C1orf21: variants seen among roughly 807,000 people sequenced by gnomAD.
C1orf21 encodes the protein uncharacterized protein C1orf21.
C1orf21 carries 3 observed loss-of-function variants against 18.7 expected under a neutral mutation model. That is an observed-to-expected ratio of 0.16 (90% CI 0.07 to 0.42). C1orf21 has a LOEUF of 0.42. Ranked by LOEUF, C1orf21 falls within the 10% of genes least tolerant of loss-of-function variation. The probability of loss-of-function intolerance (pLI) is 0.99; values close to 1 mark genes in which losing one functional copy is unlikely to be tolerated. For missense variants in C1orf21, 104 were observed against 143.6 expected (o/e 0.72, Z 1.41); for synonymous variants, 41 against 46.4 (o/e 0.88, Z 0.47).
intron 1 of C1orf21, among the ~76,000 whole-genome samples, chr1:184,443,498 A>G (rs1477889852): frequency 6.6e-6 from 1 of 152,204 alleles, no homozygotes; most frequent in Non-Finnish European, 1.5e-5. Context: ...TCAAGAACAT[A>G]TGCCCTGTTG....
chr1:184,575,829 G>A (rs968983941), intron 3 of C1orf21, among the ~76,000 whole-genome samples: 10 of 151,950 alleles, frequency 6.6e-5, no homozygotes, highest in South Asian at 2.1e-4. Flanking sequence ...CAGTGTAGGC[G>A]CCTGACTAAA....
At chr1:184,411,581 C>G (rs1227838783) in intron 1 of C1orf21, among the ~76,000 whole-genome samples, 1 of 151,784 alleles carries the variant, frequency 6.6e-6, no homozygotes, top group African/African-American at 2.4e-5. Flanking sequence ...GCCATCACGC[C>G]TGGCTATTTT....
Position 184,459,036 on chromosome 1 carries a change from T to G in C1orf21, c.-124-18350T>G, listed in dbSNP as rs138981130. 1.1e-3 allele frequency among the ~76,000 whole-genome samples: 164 copies of G among 152,340 alleles called. 1 individual carries two copies. Among genetic ancestry groups the G allele is most frequent in the African/African-American group, 3.7e-3 (154 of 41,584 alleles). The stretch of plus-strand genomic sequence containing the variant: ...TATCTACTTAAACGTTATTTAACCC[T>G]TCTATGTAGATTGCATTATGCTGTT... On this transcript the variant is annotated intron_variant, in intron 1 of 5. Transcript: ENST00000235307.
At chr1:184,584,432 C>G (rs1464335326) in intron 3 of C1orf21, among the ~76,000 whole-genome samples, 1 of 152,132 alleles carries the variant, frequency 6.6e-6, no homozygotes, top group Non-Finnish European at 1.5e-5. Flanking sequence ...GTTGGTGGTG[C>G]AGATGTGGAG....
chr1:184,553,705 A>G (rs998988175), intron 3 of C1orf21, among the ~76,000 whole-genome samples: 3 of 152,152 alleles, frequency 2.0e-5, no homozygotes, highest in Non-Finnish European at 4.4e-5. Context: ...TAGATTACCA[A>G]TGGACTCATC....
intron 3 of C1orf21, among the ~76,000 whole-genome samples, chr1:184,528,141 C>T (rs1296213034): frequency 6.6e-6 from 1 of 152,110 alleles, no homozygotes; most frequent in Non-Finnish European, 1.5e-5. Context: ...AAAATTTTTC[C>T]ACTTTACAGA....
intron 1 of C1orf21, among the ~76,000 whole-genome samples, chr1:184,390,304 G>A (rs186599759): frequency 6.6e-6 from 1 of 152,056 alleles, no homozygotes; most frequent in Non-Finnish European, 1.5e-5. Context: ...GAATCCAGAC[G>A]CATCAAAGAG....
In C1orf21 at chr1:184,431,077, GCTGT is replaced by G. The variant is rs570227855; in HGVS notation, c.-125+43712_-125+43715del. Among the ~76,000 whole-genome samples the G allele has an allele frequency of 5.8e-3, 882 of 152,026 alleles. 5 individuals are homozygous for G. Among genetic ancestry groups the G allele is most frequent in the Non-Finnish European group, 9.5e-3 (646 of 67,964 alleles). Reference sequence around the variant, plus strand: ...TGAGTCAGCGTTCACTCATGATTTGGCTGTCTATTATTGATATATAGGAATGCTT... The same window carrying G: ...TGAGTCAGCGTTCACTCATGATTTGGCTATTATTGATATATAGGAATGCTT... On this transcript the variant is annotated intron_variant, in intron 1 of 5. Transcript: ENST00000235307.
At chr1:184,597,738 C>G (rs1250192500) in intron 4 of C1orf21, among the ~76,000 whole-genome samples, 1 of 152,210 alleles carries the variant, frequency 6.6e-6, no homozygotes. Context: ...CTTATTTTGT[C>G]CCCACCAGCC....
chr1:184,438,247 ACT>A (rs565976516), intron 1 of C1orf21, among the ~76,000 whole-genome samples: 79 of 152,196 alleles, frequency 5.2e-4, no homozygotes, highest in African/African-American at 1.8e-3. Context: ...TCAACTCCAA[ACT>A]CTGTGTTGCC....
At chr1:184,450,144 G>A (rs1657100621) in intron 1 of C1orf21, among the ~76,000 whole-genome samples, 1 of 152,162 alleles carries the variant, frequency 6.6e-6, no homozygotes, top group Non-Finnish European at 1.5e-5. Flanking sequence ...GAGGGAAGGT[G>A]TGGGGTCACC....
At chr1:184,419,959 T>A (rs1204356541) in intron 1 of C1orf21, among the ~76,000 whole-genome samples, 1 of 152,190 alleles carries the variant, frequency 6.6e-6, no homozygotes, top group Admixed American at 6.5e-5. Context: ...GGAAATGACA[T>A]ATTCTGCCTT....
intron 3 of C1orf21, among the ~76,000 whole-genome samples, chr1:184,533,488 T>C (rs1388107174): frequency 6.6e-6 from 1 of 152,240 alleles, no homozygotes; most frequent in Non-Finnish European, 1.5e-5. Flanking sequence ...CATGGTCTTT[T>C]ATTTTTAATA....
rs569766476 is a variant in C1orf21 at position 184,485,807 on chromosome 1, G to T, written c.94+8204G>T. On this transcript the variant is annotated intron_variant, in intron 2 of 5. Coordinates refer to ENST00000235307, the MANE Select transcript of C1orf21 (RefSeq NM_030806.4). ...GTAGCTGTTTTGCTGGCATAAGGAA[G>T]CTTCTGTTGGCTTCTGAAGCTGTTA... 2.4e-4 allele frequency among the ~76,000 whole-genome samples: 36 copies of T among 152,314 alleles called. No individual in the cohort carries two copies. In the South Asian group the frequency reaches 4.8e-3, roughly 20 times the overall value.
chr1:184,403,961 A>G (rs928466012), intron 1 of C1orf21, among the ~76,000 whole-genome samples: 76 of 152,336 alleles, frequency 5.0e-4, no homozygotes, highest in Admixed American at 4.6e-3. Context: ...ATCATAGTCA[A>G]TTTTAACTTT....
At chr1:184,577,763 G>A (rs1157358383) in intron 3 of C1orf21, among the ~76,000 whole-genome samples, 3 of 152,054 alleles carry the variant, frequency 2.0e-5, no homozygotes, top group Non-Finnish European at 4.4e-5. Flanking sequence ...ACAAATGGTG[G>A]GTTTTTATTT....
intron 5 of C1orf21, chr1:184,599,235 A>G (rs1399692510): frequency 6.6e-6 from 1 of 152,240 alleles, no homozygotes; most frequent in East Asian, 1.9e-4. Context: ...TAAGTTCAGA[A>G]CATATCACAC....
chr1:184,496,537 G>A (rs1657897500), intron 2 of C1orf21, among the ~76,000 whole-genome samples: 1 of 152,226 alleles, frequency 6.6e-6, no homozygotes. Flanking sequence ...TTTGCACCTT[G>A]TATGTGCTGC....
intron 1 of C1orf21, among the ~76,000 whole-genome samples, chr1:184,454,348 T>A (rs182692077): frequency 1.9e-3 from 288 of 152,078 alleles, no homozygotes; most frequent in African/African-American, 6.2e-3. Flanking sequence ...CTGAGGTGAG[T>A]CTTAATGAAT....
Sources: gnomAD v4.1 joint callset for allele counts (sites outside exome capture counted in the v4.1 genomes callset) on GRCh38, gnomAD v4.1.1 for gene constraint, MANE v1.5 for transcripts, NCBI Gene and HGNC (gene_info 2026-07-23, HGNC 2026-07-21) for gene names.